ADK: variants seen among roughly 807,000 people sequenced by gnomAD.
ADK encodes the protein adenosine kinase, also known as N6,N6-dimethyladenosine kinase.
A neutral mutation model predicts 44.7 loss-of-function variants in ADK; 24 were observed. The observed-to-expected ratio is 0.54, with a 90% CI of 0.39 to 0.76. The LOEUF (loss-of-function observed/expected upper bound fraction) is 0.76, where lower values mean the gene tolerates loss of function less well. Ranked by LOEUF, ADK falls within the 30% of genes least tolerant of loss-of-function variation. ADK has a pLI of 0.00. For synonymous variants in ADK, 128 were observed against 142.6 expected, an observed-to-expected ratio of 0.90 and a Z score of 0.73; for missense variants, 321 against 425.1, an observed-to-expected ratio of 0.76 and a Z score of 2.15.
intron 4 of ADK, among the ~76,000 whole-genome samples, chr10:74,329,772 A>G (rs1031002135): frequency 6.6e-6 from 1 of 152,246 alleles, no homozygotes; most frequent in African/African-American, 2.4e-5. Context: ...ATTTTATAAA[A>G]GCAGTACTAA....
At chr10:74,272,545 G>A (rs544899979) in intron 3 of ADK, among the ~76,000 whole-genome samples, 1 of 152,214 alleles carries the variant, frequency 6.6e-6, no homozygotes, top group South Asian at 2.1e-4. Context: ...AAAGTTCTGG[G>A]ATTACAGGCA....
At chr10:74,157,873 C>T (rs1841796477) in intron 1 of ADK, among the ~76,000 whole-genome samples, 1 of 152,144 alleles carries the variant, frequency 6.6e-6, no homozygotes, top group African/African-American at 2.4e-5. Flanking sequence ...GCCTGGGCAA[C>T]AGCGCAACTC....
In ADK at chr10:74,356,002, A is replaced by ATATTGTTTTTT. The variant is rs57958159; in HGVS notation, c.274-38138_274-38137insATTGTTTTTTT. ...TCTGAAATATTTCACTAAATAATTC[A>ATATTGTTTTTT]TTTTTTTTTTTTTTTTTTTTTTTTT... On this transcript the variant is annotated intron_variant, in intron 4 of 10. Coordinates refer to ENST00000539909, the MANE Select transcript of ADK (RefSeq NM_006721.4). 2.8e-4 allele frequency among the ~76,000 whole-genome samples: 23 copies of ATATTGTTTTTT among 83,308 alleles called. 1 individual carries two copies. The highest frequency in any genetic ancestry group is 1.1e-3 in the African/African-American group (21 of 19,592). 54.7% of individuals were successfully genotyped at this position (83,308 alleles called of 152,430 possible).
chr10:74,389,223 A>G (rs1158377901), intron 4 of ADK, among the ~76,000 whole-genome samples: 3 of 152,306 alleles, frequency 2.0e-5, no homozygotes, highest in Middle Eastern at 3.4e-3. Flanking sequence ...ATTTTAGCTA[A>G]AAGAAGGAGC....
intron 4 of ADK, among the ~76,000 whole-genome samples, chr10:74,338,921 T>C (rs1001377400): frequency 5.9e-5 from 9 of 152,134 alleles, no homozygotes; most frequent in African/African-American, 1.7e-4. Flanking sequence ...CTAAGAACAA[T>C]GCATGTAATG....
intron 6 of ADK, among the ~76,000 whole-genome samples, chr10:74,481,733 G>A (rs896494010): frequency 2.0e-5 from 3 of 151,796 alleles, no homozygotes; most frequent in African/African-American, 7.3e-5. Context: ...TTCTGTTCTG[G>A]TTCCTTTTTC....
chr10:74,185,760 C>T lies in ADK; in HGVS notation c.66-15004C>T, dbSNP rs1010173445. ...CTGAGGCAGGAGAATGCCGTGAACC[C>T]GGGAGGCGGAGCTTGCAAGTGAGCC... On this transcript the variant is annotated intron_variant, in intron 1 of 10. Coordinates refer to ENST00000539909, the MANE Select transcript of ADK (RefSeq NM_006721.4). Among the ~76,000 whole-genome samples the T allele has an allele frequency of 1.0e-4, 8 of 77,826 alleles. No homozygotes were observed. In the South Asian group the frequency reaches 1.7e-3, roughly 17 times the overall value. The allele number at this position is 77,826 out of a possible 152,430, so 51.1% of individuals were successfully genotyped here. A position where few individuals can be genotyped will look rare whatever the true frequency, so the allele number is the denominator to read the frequency against.
At chr10:74,167,306 C>CA (rs1842060062) in intron 1 of ADK, among the ~76,000 whole-genome samples, 1 of 152,058 alleles carries the variant, frequency 6.6e-6, no homozygotes, top group African/African-American at 2.4e-5. Context: ...TGTGTCTGGC[C>CA]AAAAAATGTA....
At chr10:74,383,995 G>A (rs1405245791) in intron 4 of ADK, among the ~76,000 whole-genome samples, 3 of 152,110 alleles carry the variant, frequency 2.0e-5, no homozygotes, top group African/African-American at 7.2e-5. Context: ...ATAGTTAAGT[G>A]TCAGCTTGGA....
chr10:74,296,839 C>T (rs1271517522), intron 3 of ADK, among the ~76,000 whole-genome samples: 1 of 152,016 alleles, frequency 6.6e-6, no homozygotes, highest in Non-Finnish European at 1.5e-5. Context: ...TGGTCTTGAT[C>T]TCCTGACCTC....
intron 2 of ADK, among the ~76,000 whole-genome samples, chr10:74,206,134 G>T (rs992049822): frequency 6.6e-6 from 1 of 152,108 alleles, no homozygotes; most frequent in African/African-American, 2.4e-5. Flanking sequence ...ATGTATAAAA[G>T]TAAAGAGCAA....
chr10:74,599,969 C>G (rs1027613214), intron 8 of ADK, among the ~76,000 whole-genome samples: 6 of 152,000 alleles, frequency 3.9e-5, no homozygotes, highest in Admixed American at 6.6e-5. Context: ...TGAAAACTGC[C>G]TGGATATTTG....
In ADK at chr10:74,696,358, A is replaced by G. The variant is rs146991145; in HGVS notation, c.965-11963A>G. ...TTTTATTTTTATTTTTTATTTATTT[A>G]TTTTTGTTTTTGTTTTTGTTTTTTT... On this transcript the variant is annotated intron_variant, in intron 10 of 10. Transcript: ENST00000539909. 3.7e-3 allele frequency among the ~76,000 whole-genome samples: 549 copies of G among 148,420 alleles called. 6 individuals are homozygous for G. The highest frequency in any genetic ancestry group is 0.013 in the African/African-American group (521 of 40,346).
At chr10:74,690,536 A>G (rs1277759489) in intron 10 of ADK, among the ~76,000 whole-genome samples, 1 of 152,178 alleles carries the variant, frequency 6.6e-6, no homozygotes, top group East Asian at 1.9e-4. Flanking sequence ...CCTTGACGAT[A>G]TGTCCCCATT....
At chr10:74,349,830 A>G (rs1841906175) in intron 4 of ADK, among the ~76,000 whole-genome samples, 1 of 152,220 alleles carries the variant, frequency 6.6e-6, no homozygotes, top group African/African-American at 2.4e-5. Flanking sequence ...AGGGCATTAC[A>G]TAATGGTAAA....
intron 3 of ADK, among the ~76,000 whole-genome samples, chr10:74,228,587 G>A (rs945356037): frequency 7.9e-5 from 12 of 152,056 alleles, no homozygotes; most frequent in South Asian, 2.1e-4. Context: ...TCAATAAAGC[G>A]GTTTAAGAAA....
chr10:74,409,324 G>A (rs1347978860), intron 6 of ADK, among the ~76,000 whole-genome samples: 3 of 152,006 alleles, frequency 2.0e-5, no homozygotes, highest in Non-Finnish European at 4.4e-5. Flanking sequence ...TAAACTTTAG[G>A]TATTAAAAAG....
chr10:74,542,799 A>C (rs1229060540), intron 7 of ADK, among the ~76,000 whole-genome samples: 1 of 152,058 alleles, frequency 6.6e-6, no homozygotes, highest in Non-Finnish European at 1.5e-5. Context: ...ATCCTCTTTG[A>C]ACTTAGCTTT....
chr10:74,308,062 A>T (rs1012751994), intron 3 of ADK, among the ~76,000 whole-genome samples: 1 of 152,222 alleles, frequency 6.6e-6, no homozygotes, highest in Non-Finnish European at 1.5e-5. Context: ...ATGGGTAGAA[A>T]CCTAATGCAC....
Sources: allele counts gnomAD v4.1 joint callset (sites outside exome capture counted in the v4.1 genomes callset), GRCh38; gene constraint gnomAD v4.1.1; transcripts MANE v1.5; gene names NCBI Gene and HGNC (gene_info 2026-07-23, HGNC 2026-07-21).